Variants in TCEANC2 observed in about 807,000 individuals in gnomAD.
TCEANC2 encodes the protein transcription elongation factor A N-terminal and central domain-containing protein 2.
In TCEANC2, 20 loss-of-function variants were observed where a neutral mutation model predicts 22.8. The observed-to-expected ratio is 0.88, with a 90% confidence interval of 0.62 to 1.28. The LOEUF is 1.28. Among genes scored for constraint, TCEANC2 ranks in the 50% most tolerant of loss-of-function variants. The pLI is 0.00. For synonymous variants in TCEANC2, 84 were observed against 95.5 expected (o/e 0.88, Z 0.70); for missense variants, 251 against 249.7 (o/e 1.01, Z -0.03).
chr1:54,090,497 T>A (rs1377315210), intron 4 of TCEANC2, among the ~76,000 whole-genome samples: 1 of 152,224 alleles, frequency 6.6e-6, no homozygotes, highest in East Asian at 1.9e-4. Context: ...TTATTTACAT[T>A]TGTGTTCTCT....
At chr1:54,093,649 C>CT (rs995441617) in intron 4 of TCEANC2, among the ~76,000 whole-genome samples, 3 of 151,822 alleles carry the variant, frequency 2.0e-5, no homozygotes, top group Non-Finnish European at 4.4e-5. Flanking sequence ...TTCTATCTCT[C>CT]TAAGAGCAGG....
chr1:54,105,113 A>G lies in TCEANC2; in HGVS notation c.*8640A>G, dbSNP rs1658728481. The stretch of plus-strand genomic sequence containing the variant: ...CTTACTTTCCTAAGTTTCCCCCAGG[A>G]AAGGAGGTCCACCAGAACTTAAACC... On this transcript the variant is annotated 3_prime_UTR_variant, in exon 5 of 5. Coordinates refer to ENST00000234827, the MANE Select transcript of TCEANC2 (RefSeq NM_153035.3). 6.5e-6 allele frequency: 1 copy of G among 154,066 alleles called. No individual in the cohort carries two copies. The highest frequency in any genetic ancestry group is 1.4e-5 in the Non-Finnish European group (1 of 69,182). 9.5% of individuals were successfully genotyped at this position (154,066 alleles called of 1,614,324 possible).
At chr1:54,081,433 G>A (rs1230563339) in intron 3 of TCEANC2, among the ~76,000 whole-genome samples, 1 of 152,062 alleles carries the variant, frequency 6.6e-6, no homozygotes, top group African/African-American at 2.4e-5. Context: ...TTTTTGTAGA[G>A]ATAGGGTCTC....
At chr1:54,068,996 T>C in intron 3 of TCEANC2, 99 bp downstream of exon 3, 4 of 1,253,142 alleles carry the variant, frequency 3.2e-6, no homozygotes, top group Middle Eastern at 2.9e-4. Context: ...ATCTGCCTTA[T>C]CAATGCTTTC....
At chr1:54,077,136 A>G (rs1438642042) in intron 3 of TCEANC2, among the ~76,000 whole-genome samples, 1 of 152,108 alleles carries the variant, frequency 6.6e-6, no homozygotes, top group African/African-American at 2.4e-5. Context: ...AACAGGCTGG[A>G]TTTAGCAAGG....
chr1:54,107,429 A>G (rs1325635545), downstream of TCEANC2, among the ~76,000 whole-genome samples: 1 of 152,074 alleles, frequency 6.6e-6, no homozygotes, highest in Non-Finnish European at 1.5e-5. Context: ...TTTTCCCACT[A>G]TGAAGTTGTC....
rs1344005361 is a variant in TCEANC2 at position 54,088,801 on chromosome 1, A to G, written c.438+11A>G. ...GCCTTGGAATTAAAGGTAATGCCCT[A>G]AATATATACAACTGTTATGTACCCA... On this transcript the variant is annotated intron_variant, in intron 4 of 4. Coordinates refer to ENST00000234827, the MANE Select transcript of TCEANC2 (RefSeq NM_153035.3). 2 of 1,550,716 alleles carry G rather than the reference A, an allele frequency of 1.3e-6. No homozygotes were observed. The highest frequency in any genetic ancestry group is 2.4e-5 in the South Asian group (2 of 82,984).
chr1:54,065,886 A>G lies in TCEANC2; in HGVS notation c.103-2870A>G, dbSNP rs199541873. 4.6e-5 allele frequency among the ~76,000 whole-genome samples: 7 copies of G among 152,154 alleles called. No homozygotes were observed. The East Asian group carries it at 1.3e-3, about 29-fold the overall frequency. On this transcript the variant is annotated intron_variant, in intron 2 of 4. Coordinates refer to ENST00000234827, the MANE Select transcript of TCEANC2 (RefSeq NM_153035.3). ...TTGAGGCCAGGAGTTTGACTGGGCA[A>G]CAGAGTGAGACCCCATGTCTACAAA...
At chr1:54,058,292 C>T (rs910044834) in intron 2 of TCEANC2, among the ~76,000 whole-genome samples, 1 of 152,128 alleles carries the variant, frequency 6.6e-6, no homozygotes, top group Non-Finnish European at 1.5e-5. Context: ...CCCTTTTGTC[C>T]CTGAGACGCA....
Position 54,111,643 on chromosome 1 carries a change from ATCACACAGC to A in TCEANC2, n.1665_1673del, listed in dbSNP as rs1210800659. The A allele has an allele frequency of 3.3e-5, 5 of 152,380 alleles. No homozygotes were observed. In the South Asian group the frequency reaches 1.0e-3, roughly 32 times the overall value. The allele number at this position is 152,380 out of a possible 1,614,324, so 9.4% of individuals were successfully genotyped here. A position where few individuals can be genotyped will look rare whatever the true frequency, so the allele number is the denominator to read the frequency against. On this transcript the variant is annotated non_coding_transcript_exon_variant, in exon 5 of 5. Transcript: ENST00000498272. ...AGATGAAGATGTGATGATGGTAGCC[ATCACACAGC>A]TCTCCCATGTAACCCTCACGACAAC... is the stretch of plus-strand genomic sequence containing the variant.
intron 3 of TCEANC2, among the ~76,000 whole-genome samples, chr1:54,072,818 T>A (rs1427355393): frequency 6.6e-6 from 1 of 152,202 alleles, no homozygotes; most frequent in Non-Finnish European, 1.5e-5. Flanking sequence ...AATATCTAGT[T>A]CTTCTGTATT....
chr1:54,094,917 T>C (rs1429422030), intron 4 of TCEANC2, among the ~76,000 whole-genome samples: 1 of 152,192 alleles, frequency 6.6e-6, no homozygotes, highest in Non-Finnish European at 1.5e-5. Context: ...GGTGGGAGGA[T>C]TGCTTGAGGC....
chr1:54,091,386 G>A (rs1311171547), intron 4 of TCEANC2, among the ~76,000 whole-genome samples: 1 of 152,118 alleles, frequency 6.6e-6, no homozygotes, highest in African/African-American at 2.4e-5. Flanking sequence ...TCAGATCTTC[G>A]TAAATGTACT....
At chr1:54,057,316 G>A (rs1180805833) in intron 2 of TCEANC2, among the ~76,000 whole-genome samples, 2 of 146,868 alleles carry the variant, frequency 1.4e-5, no homozygotes, top group Admixed American at 6.7e-5. Flanking sequence ...TCATAGCTGG[G>A]ACTATAGGCA....
intron 3 of TCEANC2, among the ~76,000 whole-genome samples, chr1:54,072,457 C>T (rs577176570): frequency 5.3e-5 from 8 of 151,540 alleles, no homozygotes; most frequent in African/African-American, 1.5e-4. Context: ...AGTGCAGTGG[C>T]GCGATCTCAG....
intron 3 of TCEANC2, among the ~76,000 whole-genome samples, 180 bp downstream of exon 3, chr1:54,069,077 TA>T (rs1335924692): frequency 6.6e-6 from 1 of 152,076 alleles, no homozygotes; most frequent in Non-Finnish European, 1.5e-5. Flanking sequence ...GGTAATATAT[TA>T]AAAAAATTAT....
Position 54,104,395 on chromosome 1 carries a change from G to A in TCEANC2, c.*7922G>A. The A allele has an allele frequency of 3.2e-6, 1 of 310,214 alleles. No homozygotes were observed. The highest frequency in any genetic ancestry group is 6.6e-6 in the Non-Finnish European group (1 of 152,634). 19.2% of individuals were successfully genotyped at this position (310,214 alleles called of 1,614,324 possible). On this transcript the variant is annotated 3_prime_UTR_variant, in exon 5 of 5. Transcript: ENST00000234827. ...GCTCCTCATATCAGGAGACTACTAGGCAAGAACAGTCACCATTCTTTGAGG... is the reference window on the plus strand; with the variant it reads ...GCTCCTCATATCAGGAGACTACTAGACAAGAACAGTCACCATTCTTTGAGG...
chr1:54,067,965 CACTTT>C (rs1363930331), intron 2 of TCEANC2, among the ~76,000 whole-genome samples: 2 of 152,156 alleles, frequency 1.3e-5, no homozygotes, highest in African/African-American at 2.4e-5. Flanking sequence ...AAAAGTCTCC[CACTTT>C]ACTTTTTAAA....
chr1:54,103,155 G>A lies in TCEANC2; in HGVS notation c.*6682G>A, dbSNP rs931386517. The A allele has an allele frequency of 6.6e-5, 10 of 152,268 alleles. No individual in the cohort carries two copies. The highest frequency in any genetic ancestry group is 2.4e-4 in the African/African-American group (10 of 41,458). 9.4% of individuals were successfully genotyped at this position (152,268 alleles called of 1,614,324 possible). ...AGCACTAAACAACAATGTACACACA[G>A]TTGACATCAACCAGTCTCTGAGGCC... On this transcript the variant is annotated 3_prime_UTR_variant, in exon 5 of 5. Transcript: ENST00000234827.
Sources: allele counts gnomAD v4.1 joint callset (sites outside exome capture counted in the v4.1 genomes callset), GRCh38; gene constraint gnomAD v4.1.1; transcripts MANE v1.5; gene names NCBI Gene and HGNC (gene_info 2026-07-23, HGNC 2026-07-21).